C12orf56: variants seen among roughly 807,000 people sequenced by gnomAD.
C12orf56 encodes uncharacterized protein C12orf56.
A neutral mutation model predicts 69.9 loss-of-function variants in C12orf56; 71 were observed. The observed-to-expected ratio is 1.02, with a 90% CI of 0.84 to 1.24. C12orf56 has a LOEUF of 1.24. Ranked by LOEUF, C12orf56 falls within the 50% of genes most tolerant of loss-of-function variation. The pLI is 0.00. For missense variants in C12orf56, 732 were observed against 738.5 expected (o/e 0.99, Z 0.10); for synonymous variants, 276 against 274.1 (o/e 1.01, Z -0.07).
intron 2 of C12orf56, among the ~76,000 whole-genome samples, chr12:64,342,067 A>G (rs1462175043): frequency 6.6e-6 from 1 of 152,180 alleles, no homozygotes; most frequent in African/African-American, 2.4e-5. Flanking sequence ...CCCGTTGGTG[A>G]GCACTCACAT....
At chr12:64,275,442 C>T (rs1393288804) in intron 9 of C12orf56, 70 bp from the exon 10 acceptor site, 1 of 685,302 alleles carries the variant, frequency 1.5e-6, no homozygotes, top group African/African-American at 1.9e-5. Flanking sequence ...CCCATGGTTC[C>T]CTTTAGGTAC....
Position 64,265,521 on chromosome 12 carries a change from T to C in C12orf56, c.*1662A>G, listed in dbSNP as rs2037912705. 1 of 152,246 alleles carries C rather than the reference T, an allele frequency of 6.6e-6. No homozygotes were observed. The highest frequency in any genetic ancestry group is 2.1e-4 in the South Asian group (1 of 4,830). The allele number at this position is 152,246 out of a possible 1,614,324, so 9.4% of individuals were successfully genotyped here. On this transcript the variant is annotated 3_prime_UTR_variant, in exon 13 of 13. Transcript: ENST00000543942. ...AGAATGTAAGAGCTGGAAGAGAACT[T>C]GGAGAACATCTAGTCCCACCCTTCC...
chr12:64,383,510 G>A (rs1254602960), intron 1 of C12orf56, among the ~76,000 whole-genome samples: 2 of 151,950 alleles, frequency 1.3e-5, no homozygotes, highest in African/African-American at 2.4e-5. Context: ...CCGAGTAGCT[G>A]GGACTACAGA....
chr12:64,377,559 G>C (rs776167031), intron 1 of C12orf56, among the ~76,000 whole-genome samples: 79 of 152,082 alleles, frequency 5.2e-4, no homozygotes, highest in Non-Finnish European at 7.2e-4. Flanking sequence ...AAATGCAAAG[G>C]AGTACCTCTT....
chr12:64,335,683 GT>G (rs2136873555), intron 2 of C12orf56, among the ~76,000 whole-genome samples: 1 of 152,256 alleles, frequency 6.6e-6, no homozygotes, highest in East Asian at 1.9e-4. Context: ...AAGAACATAT[GT>G]ATACTAAAAA....
chr12:64,293,711 C>T (rs1269868012), intron 6 of C12orf56, among the ~76,000 whole-genome samples: 1 of 152,146 alleles, frequency 6.6e-6, no homozygotes, highest in African/African-American at 2.4e-5. Flanking sequence ...CTACCTGAAA[C>T]AACATGGAAG....
chr12:64,279,643 C>T (rs544069681), intron 8 of C12orf56, among the ~76,000 whole-genome samples: 1 of 152,244 alleles, frequency 6.6e-6, no homozygotes, highest in African/African-American at 2.4e-5. Flanking sequence ...CATGATTAAC[C>T]TACACTCTAG....
chr12:64,378,153 G>C (rs1446209953), intron 1 of C12orf56, among the ~76,000 whole-genome samples: 1 of 152,180 alleles, frequency 6.6e-6, no homozygotes, highest in Non-Finnish European at 1.5e-5. Context: ...ATTAAGTACT[G>C]CTCACAAATA....
intron 5 of C12orf56, among the ~76,000 whole-genome samples, chr12:64,310,477 T>C (rs1228744740): frequency 6.6e-6 from 1 of 152,236 alleles, no homozygotes; most frequent in Non-Finnish European, 1.5e-5. Context: ...GGCTACTTGG[T>C]TATCCTGAAC....
At chr12:64,378,706 A>G (rs1257473699) in intron 1 of C12orf56, among the ~76,000 whole-genome samples, 2 of 152,070 alleles carry the variant, frequency 1.3e-5, no homozygotes, top group Non-Finnish European at 2.9e-5. Context: ...AATTGCTGTG[A>G]TTACAGGCGT....
chr12:64,383,676 A>G lies in C12orf56; in HGVS notation c.252+6638T>C, dbSNP rs149491366. 7.2e-3 allele frequency among the ~76,000 whole-genome samples: 1,097 copies of G among 152,126 alleles called. 20 individuals carry two copies. Among genetic ancestry groups the G allele is most frequent in the African/African-American group, 0.024 (1,004 of 41,506 alleles). ...AGGCATGAGCCACCACGCTGGGCCC[A>G]ATATTTCCCTTCCCCCCTTCATAAT... On this transcript the variant is annotated intron_variant, in intron 1 of 12. Transcript: ENST00000543942.
At chr12:64,357,768 G>A (rs955459469) in intron 1 of C12orf56, among the ~76,000 whole-genome samples, 4 of 152,010 alleles carry the variant, frequency 2.6e-5, no homozygotes, top group Non-Finnish European at 2.9e-5. Flanking sequence ...AGGCTTAGTG[G>A]CAAGTGCCTG....
intron 3 of C12orf56, among the ~76,000 whole-genome samples, chr12:64,323,532 A>G (rs763713300): frequency 1.1e-4 from 16 of 151,096 alleles, no homozygotes; most frequent in Non-Finnish European, 1.5e-4. Context: ...TTTAACCTCC[A>G]CAGTAACCTA....
intron 6 of C12orf56, among the ~76,000 whole-genome samples, chr12:64,301,050 G>A (rs2038438767): frequency 6.6e-6 from 1 of 152,204 alleles, no homozygotes; most frequent in Non-Finnish European, 1.5e-5. Flanking sequence ...CTGTTGCCAT[G>A]TAAGACATGC....
At position 64,275,757 on chromosome 12, in the gene C12orf56, C is replaced by T. The variant is rs2038042682; in HGVS notation, c.1435-385G>A. Among the ~76,000 whole-genome samples the T allele has an allele frequency of 3.9e-5, 6 of 152,018 alleles. No homozygotes were observed. The South Asian group carries it at 1.0e-3, about 26-fold the overall frequency. On this transcript the variant is annotated intron_variant, in intron 9 of 12. Coordinates refer to ENST00000543942, the MANE Select transcript of C12orf56 (RefSeq NM_001170633.2). ...AGCTAGGACTACAGGTATGTGCCACCATGCCCAGGTAATTTTTGATTTTTT... is the reference window on the plus strand; with the variant it reads ...AGCTAGGACTACAGGTATGTGCCACTATGCCCAGGTAATTTTTGATTTTTT...
At chr12:64,382,741 C>T (rs1437858058) in intron 1 of C12orf56, among the ~76,000 whole-genome samples, 2 of 151,712 alleles carry the variant, frequency 1.3e-5, no homozygotes, top group African/African-American at 4.8e-5. Flanking sequence ...GGCATGGTGG[C>T]GGGTGCCTGT....
At chr12:64,284,967 G>A (rs536293410) in intron 7 of C12orf56, among the ~76,000 whole-genome samples, 2 of 152,278 alleles carry the variant, frequency 1.3e-5, no homozygotes, top group South Asian at 4.2e-4. Context: ...CTGGTCGGGC[G>A]GGGTAGCTAA....
At chr12:64,353,960 C>T (rs1174949757) in intron 1 of C12orf56, among the ~76,000 whole-genome samples, 3 of 152,128 alleles carry the variant, frequency 2.0e-5, no homozygotes, top group Admixed American at 6.6e-5. Flanking sequence ...GGATTATAGG[C>T]GTGAGCCACC....
rs539436577 is a variant in C12orf56 at position 64,345,476 on chromosome 12, C to T, written c.415+7418G>A. Reference sequence around the variant, plus strand: ...GTCCCCAACTTCATCAGGGTCCTCCCACACATTCCCATTCCAAGTTGCAGG... The same window carrying T: ...GTCCCCAACTTCATCAGGGTCCTCCTACACATTCCCATTCCAAGTTGCAGG... On this transcript the variant is annotated intron_variant, in intron 2 of 12. Transcript: ENST00000543942. 1.2e-4 allele frequency among the ~76,000 whole-genome samples: 19 copies of T among 152,322 alleles called. No individual in the cohort carries two copies. The East Asian group carries it at 1.4e-3, about 11-fold the overall frequency.
Sources: gnomAD v4.1 joint callset for allele counts (sites outside exome capture counted in the v4.1 genomes callset) on GRCh38, gnomAD v4.1.1 for gene constraint, MANE v1.5 for transcripts, NCBI Gene and HGNC (gene_info 2026-07-23, HGNC 2026-07-21) for gene names.